Variants in TERF1 observed in about 807,000 individuals in gnomAD.
The protein encoded by TERF1 is telomeric repeat-binding factor 1.
A neutral mutation model predicts 55.1 loss-of-function variants in TERF1; 20 were observed. The observed-to-expected ratio is 0.36, with a 90% CI of 0.26 to 0.53. TERF1 has a LOEUF of 0.53. Ranked by LOEUF, TERF1 falls within the 20% of genes least tolerant of loss-of-function variation. The pLI is 0.91. For synonymous variants in TERF1, 168 were observed against 181.2 expected, an observed-to-expected ratio of 0.93 and a Z score of 0.59; for missense variants, 439 against 535.7, an observed-to-expected ratio of 0.82 and a Z score of 1.78.
At chr8:73,036,846 TATATATAA>T (rs1809533154) in intron 8 of TERF1, among the ~76,000 whole-genome samples, 1 of 144,330 alleles carries the variant, frequency 6.9e-6, no homozygotes, top group Non-Finnish European at 1.5e-5. Flanking sequence ...AATATATATT[TATATATAA>T]TATATTATAT....
rs143443923 is a variant in TERF1 at position 73,039,206 on chromosome 8, C to T, written c.1130C>T (p.Ala377Val). ...CCGGTAACTCCTGAAAAACATCGAG[C>T]TAGAAAAAGACAGGTATTTGGTTTT... ...SQPVTPEKHR[A>V]RKRQAWLWEE... The change falls in exon 9 of 10, where the codon GCT becomes GTT. Residue 377 changes from alanine (A) to valine (V), a missense_variant. By Grantham distance (64) the Ala-to-Val change is moderately conservative (BLOSUM62 0). Around this residue, in one of 4 missense-constraint regions of TERF1, gnomAD observed 140 missense variants for 158.6 expected, o/e 0.88. Coordinates refer to ENST00000276603, the MANE Select transcript of TERF1 (RefSeq NM_017489.3). 1.9e-5 allele frequency: 31 copies of T among 1,600,514 alleles called. No homozygotes were observed. In the African/African-American group the frequency reaches 4.0e-4, roughly 21 times the overall value.
At chr8:73,031,489 T>C (rs1809281748) in intron 7 of TERF1, 1 of 152,230 alleles carries the variant, frequency 6.6e-6, no homozygotes, top group South Asian at 2.1e-4. Flanking sequence ...GAACTGCTTT[T>C]TGAATCTTAG....
Position 73,020,820 on chromosome 8 carries a change from C to T in TERF1, c.537+15C>T, listed in dbSNP as rs1412146035. 3.2e-6 allele frequency: 4 copies of T among 1,244,392 alleles called. No homozygotes were observed. The South Asian group carries it at 4.1e-5, about 13-fold the overall frequency. 77.1% of individuals were successfully genotyped at this position (1,244,392 alleles called of 1,614,324 possible). ...TTAAAATTCAGGTATGAATAAATTA[C>T]TTTTATGCTTATTATATTTCTAGAA... On this transcript the variant is annotated intron_variant, in intron 3 of 9. Coordinates refer to ENST00000276603, the MANE Select transcript of TERF1 (RefSeq NM_017489.3).
At chr8:73,031,561 G>GATT (rs1809287309) in intron 7 of TERF1, 1 of 152,170 alleles carries the variant, frequency 6.6e-6, no homozygotes, top group Admixed American at 6.5e-5. Context: ...CAAAAAAAAT[G>GATT]ATGCCACATC....
chr8:73,019,520 A>G (rs1808662003), intron 2 of TERF1, among the ~76,000 whole-genome samples: 1 of 152,036 alleles, frequency 6.6e-6, no homozygotes, highest in Non-Finnish European at 1.5e-5. Flanking sequence ...TATGCATCCA[A>G]CTTGCCCACC....
chr8:73,024,138 G>C (rs1014559735), intron 4 of TERF1, among the ~76,000 whole-genome samples: 1 of 152,132 alleles, frequency 6.6e-6, no homozygotes, highest in Non-Finnish European at 1.5e-5. Flanking sequence ...ATGCACAGAA[G>C]ATAATGTAGA....
At chr8:73,027,108 G>A (rs1412505314) in intron 6 of TERF1, 56 bp downstream of exon 6, 57 of 1,238,714 alleles carry the variant, frequency 4.6e-5, no homozygotes, top group Non-Finnish European at 6.0e-5. Context: ...CTGTCTTTAT[G>A]TAAAATTGAT....
At position 73,013,015 on chromosome 8, in the gene TERF1, A is replaced by G. The variant is rs181686669; in HGVS notation, c.320-880A>G. 1.2e-4 allele frequency: 55 copies of G among 440,548 alleles called. No individual in the cohort carries two copies. The East Asian group carries it at 3.4e-3, about 27-fold the overall frequency. The allele number at this position is 440,548 out of a possible 1,614,324, so 27.3% of individuals were successfully genotyped here. A position where few individuals can be genotyped will look rare whatever the true frequency, so the allele number is the denominator to read the frequency against. On this transcript the variant is annotated intron_variant, in intron 1 of 9. Transcript: ENST00000276603. ...CTGTTAAATTCTATTATGACTGTGT[A>G]TGGTCCAGATAATCTCTGGTGTAGC...
intron 8 of TERF1, 81 bp downstream of exon 8, chr8:73,032,214 C>G: frequency 1.1e-6 from 1 of 898,404 alleles, no homozygotes. Context: ...ACCACTATAG[C>G]AAAAAAACAC....
chr8:73,014,746 A>G (rs1808423863), intron 2 of TERF1, among the ~76,000 whole-genome samples: 1 of 152,242 alleles, frequency 6.6e-6, no homozygotes, highest in South Asian at 2.1e-4. Flanking sequence ...TGTCTTACAT[A>G]AAATCCCAGT....
chr8:73,017,880 A>G (rs1213271752), intron 2 of TERF1, among the ~76,000 whole-genome samples: 2 of 151,974 alleles, frequency 1.3e-5, no homozygotes, highest in East Asian at 1.9e-4. Context: ...TTTTTCTATT[A>G]TTAGTAGAGA....
At chr8:73,012,719 T>G (rs1263097332) in intron 1 of TERF1, 5 of 267,384 alleles carry the variant, frequency 1.9e-5, no homozygotes, top group African/African-American at 1.1e-4. Context: ...TGGGCTGCGG[T>G]AAACTTTCAA....
chr8:73,024,568 T>A (rs1415158333), intron 4 of TERF1, among the ~76,000 whole-genome samples: 1 of 152,184 alleles, frequency 6.6e-6, no homozygotes, highest in Non-Finnish European at 1.5e-5. Context: ...TGAAACTGGG[T>A]AATGGATACT....
intron 9 of TERF1, among the ~76,000 whole-genome samples, chr8:73,042,647 A>G (rs955764846): frequency 1.3e-5 from 2 of 152,208 alleles, no homozygotes; most frequent in Admixed American, 6.6e-5. Flanking sequence ...GTATGTAATG[A>G]GAAATACTGT....
At chr8:73,017,708 T>G (rs55738238) in intron 2 of TERF1, among the ~76,000 whole-genome samples, 4 of 84,758 alleles carry the variant, frequency 4.7e-5, no homozygotes, top group Non-Finnish European at 1.1e-4. Flanking sequence ...ATTTTTTTTC[T>G]TTTTTTTTTT....
At chr8:73,036,079 T>C (rs1253312622) in intron 8 of TERF1, among the ~76,000 whole-genome samples, 1 of 152,254 alleles carries the variant, frequency 6.6e-6, no homozygotes, top group Non-Finnish European at 1.5e-5. Context: ...CGGTGGACTA[T>C]GCAACAGGCC....
Position 73,009,124 on chromosome 8 carries a change from G to T in TERF1, c.238G>T (p.Asp80Tyr). The change falls in exon 1 of 10, where the codon GAT becomes TAT. Residue 80 changes from aspartate (D) to tyrosine (Y), a missense_variant. Physicochemically the swap from Asp to Tyr is radical, Grantham distance 160. This residue lies in a region of TERF1 where 179 missense variants were observed against 152.6 expected (regional missense o/e 1.17). Transcript: ENST00000276603. ...GGCCGTGGCTGCCGGCTGGATGCTC[G>T]ATTTCCTCTGCCTCTCTCTTTGCCG... ...AEAVAAGWML[D>Y]FLCLSLCRAF... The T allele has an allele frequency of 1.2e-6, 2 of 1,610,958 alleles. No individual in the cohort carries two copies. The highest frequency in any genetic ancestry group is 1.7e-6 in the Non-Finnish European group (2 of 1,179,674).
intron 2 of TERF1, among the ~76,000 whole-genome samples, chr8:73,017,940 A>G (rs560083602): frequency 6.6e-6 from 1 of 152,084 alleles, no homozygotes; most frequent in East Asian, 1.9e-4. Context: ...TGATTGGCGG[A>G]TCTCGTGATC....
chr8:73,008,900 T>G lies in TERF1; in HGVS notation c.14T>G (p.Val5Gly). 1 of 1,607,066 alleles carries G rather than the reference T, an allele frequency of 6.2e-7. No individual in the cohort carries two copies. The highest frequency in any genetic ancestry group is 1.1e-5 in the South Asian group (1 of 89,610). MAEDVSSAAPSPRGC... is the reference protein window; with the variant it reads MAEDGSSAAPSPRGC... ...GAGCCATTTAACATGGCGGAGGATG[T>G]TTCCTCAGCGGCCCCGAGCCCGCGG... Residue 5 changes from valine (V) to glycine (G), a missense_variant, in exon 1 of 10, where the codon GTT (valine) becomes GGT (glycine). By Grantham distance (109) the Val-to-Gly change is moderately radical. Transcript: ENST00000276603.
Sources: allele counts gnomAD v4.1 joint callset (sites outside exome capture counted in the v4.1 genomes callset), GRCh38; gene constraint gnomAD v4.1.1; regional missense constraint gnomAD v4.1.1; transcripts MANE v1.5; gene names NCBI Gene and HGNC (gene_info 2026-07-23, HGNC 2026-07-21).